The following DENND1A variants were observed in gnomAD, a reference collection of about 807,000 sequenced individuals.
DENND1A encodes DENN domain containing 1A, also known as DENN domain-containing protein 1A.
DENND1A carries 51 observed loss-of-function variants against 113.7 expected under a neutral mutation model. That is an observed-to-expected ratio of 0.45 (90% CI 0.36 to 0.57). The LOEUF is 0.57. Among genes scored for constraint, DENND1A ranks in the 20% least tolerant of loss-of-function variants. The pLI, the probability that DENND1A is intolerant of heterozygous loss-of-function variation, is 0.00. For synonymous variants in DENND1A, 565 were observed against 570.8 expected (o/e 0.99, Z 0.14); for missense variants, 1,258 against 1,395.9 (o/e 0.90, Z 1.57).
intron 13 of DENND1A, among the ~76,000 whole-genome samples, chr9:123,507,670 G>A (rs974195173): frequency 6.6e-6 from 1 of 150,928 alleles, no homozygotes; most frequent in South Asian, 2.1e-4. Context: ...GCAACATAGC[G>A]GGACCCTCAT....
intron 13 of DENND1A, among the ~76,000 whole-genome samples, chr9:123,470,464 A>G (rs2049317104): frequency 1.3e-5 from 2 of 152,208 alleles, no homozygotes; most frequent in Admixed American, 1.3e-4. Flanking sequence ...CAAGCTGATT[A>G]GAGATTTCTG....
chr9:123,407,985 T>A (rs1251379410), intron 20 of DENND1A, among the ~76,000 whole-genome samples: 2 of 152,172 alleles, frequency 1.3e-5, no homozygotes, highest in African/African-American at 2.4e-5. Context: ...TTTCTTCTGC[T>A]CTTTCTTTTT....
intron 12 of DENND1A, among the ~76,000 whole-genome samples, chr9:123,580,696 G>C (rs2058846651): frequency 6.6e-6 from 1 of 152,240 alleles, no homozygotes; most frequent in East Asian, 1.9e-4. Flanking sequence ...AGGAAACAGG[G>C]ATGGGAGCCT....
At chr9:123,740,185 T>TA (rs551717491) in intron 5 of DENND1A, among the ~76,000 whole-genome samples, 28 of 149,808 alleles carry the variant, frequency 1.9e-4, no homozygotes, top group Non-Finnish European at 2.2e-4. Context: ...AAGTTGGAAA[T>TA]AAAAAAAAAA....
At chr9:123,497,002 A>G (rs191626673) in intron 13 of DENND1A, among the ~76,000 whole-genome samples, 176 of 152,254 alleles carry the variant, frequency 1.2e-3, no homozygotes, top group Non-Finnish European at 2.0e-3. Flanking sequence ...TTCCAGCCAC[A>G]CAACACCACT....
At chr9:123,919,332 C>T (rs1855796613) in intron 1 of DENND1A, among the ~76,000 whole-genome samples, 1 of 151,712 alleles carries the variant, frequency 6.6e-6, no homozygotes, top group African/African-American at 2.4e-5. Flanking sequence ...ATTAGCTGGG[C>T]ATGGTGGCGC....
intron 19 of DENND1A, among the ~76,000 whole-genome samples, chr9:123,436,045 G>T (rs2046490766): frequency 2.0e-5 from 3 of 152,320 alleles, no homozygotes; most frequent in African/African-American, 4.8e-5. Context: ...CTAACCAAGG[G>T]GTGCCCAGGG....
At position 123,381,251 on chromosome 9, in the gene DENND1A, A is replaced by T; in HGVS notation, c.*181T>A. 1 of 650,420 alleles carries T rather than the reference A, an allele frequency of 1.5e-6. No individual in the cohort carries two copies. Among genetic ancestry groups the T allele is most frequent in the Non-Finnish European group, 2.6e-6 (1 of 383,298 alleles). 40.3% of individuals were successfully genotyped at this position (650,420 alleles called of 1,614,324 possible). On this transcript the variant is annotated 3_prime_UTR_variant, in exon 24 of 24. Transcript: ENST00000394215. This position sits in a 1 kb window ranked among gnomAD's most constrained non-coding sequence, Gnocchi z 4.7. Reference sequence around the variant, plus strand: ...TGATTCCCAGGCTGGAACTGGTGCCATTCCCCAGGGCCAGACATCAGAGAT... The same window carrying T: ...TGATTCCCAGGCTGGAACTGGTGCCTTTCCCCAGGGCCAGACATCAGAGAT...
chr9:123,592,881 G>A (rs758170277), intron 11 of DENND1A, among the ~76,000 whole-genome samples: 7 of 152,028 alleles, frequency 4.6e-5, no homozygotes, highest in African/African-American at 1.2e-4. Context: ...AAAAAAATAC[G>A]GACTTCACCA....
At chr9:123,406,312 G>A (rs73573360) in intron 20 of DENND1A, among the ~76,000 whole-genome samples, 6,419 of 152,264 alleles carry the variant, frequency 0.042, 449 homozygotes, top group African/African-American at 0.15. Flanking sequence ...CTTCATCTGT[G>A]GGGTGATTGT....
chr9:123,529,330 C>T (rs1159822275), intron 13 of DENND1A, among the ~76,000 whole-genome samples: 7 of 152,032 alleles, frequency 4.6e-5, no homozygotes, highest in East Asian at 3.9e-4. Context: ...CCTTCTCCCC[C>T]GACTGTAGTG....
chr9:123,897,685 C>G (rs1314623676), intron 1 of DENND1A, among the ~76,000 whole-genome samples: 1 of 152,148 alleles, frequency 6.6e-6, no homozygotes, highest in Non-Finnish European at 1.5e-5. Context: ...GCATAAAGGT[C>G]TGGCCCAGTG....
chr9:123,591,337 A>C (rs543819514), intron 11 of DENND1A, among the ~76,000 whole-genome samples: 6 of 152,352 alleles, frequency 3.9e-5, no homozygotes, highest in South Asian at 2.1e-4. Context: ...TAGTACTTAA[A>C]AGCAAGCCAC....
chr9:123,753,936 T>C (rs1301068346), intron 5 of DENND1A, among the ~76,000 whole-genome samples: 4 of 152,088 alleles, frequency 2.6e-5, no homozygotes, highest in Non-Finnish European at 5.9e-5. Context: ...TGTTGAGTGG[T>C]TCACATGGAC....
intron 12 of DENND1A, among the ~76,000 whole-genome samples, chr9:123,579,814 T>C (rs2058802402): frequency 6.6e-6 from 1 of 152,186 alleles, no homozygotes; most frequent in African/African-American, 2.4e-5. Flanking sequence ...CATCACAGAA[T>C]CAAAGCTGTG....
chr9:123,599,338 C>G (rs1375974656), intron 11 of DENND1A, among the ~76,000 whole-genome samples: 1 of 152,122 alleles, frequency 6.6e-6, no homozygotes, highest in African/African-American at 2.4e-5. Context: ...AACTTTAGTA[C>G]AGAGAGTAGT....
chr9:123,402,941 T>C (rs1451927328), intron 21 of DENND1A, among the ~76,000 whole-genome samples: 1 of 152,030 alleles, frequency 6.6e-6, no homozygotes, highest in Non-Finnish European at 1.5e-5. Context: ...GTAACATAAA[T>C]CCTCCGGCAC....
chr9:123,775,412 A>AG (rs1830316768), intron 3 of DENND1A, among the ~76,000 whole-genome samples: 1 of 152,156 alleles, frequency 6.6e-6, no homozygotes, highest in Admixed American at 6.5e-5. Context: ...AGGGGGGAGG[A>AG]GGGGACACAA....
At chr9:123,485,666 A>ATG (rs1564578757) in intron 13 of DENND1A, 9 of 27,730 alleles carry the variant, frequency 3.2e-4, no homozygotes, top group East Asian at 4.2e-3. Flanking sequence ...GCACACACAC[A>ATG]CACACACACA....
Sources: gnomAD v4.1 joint callset for allele counts (sites outside exome capture counted in the v4.1 genomes callset) on GRCh38, gnomAD v4.1.1 for gene constraint, Gnocchi (gnomAD v3.1) non-coding constraint, MANE v1.5 for transcripts, NCBI Gene and HGNC (gene_info 2026-07-23, HGNC 2026-07-21) for gene names.